Variants in ROCK2 observed in about 807,000 individuals in gnomAD.
The protein encoded by ROCK2 is Rho associated coiled-coil containing protein kinase 2, also known as rho-associated protein kinase 2.
Under a neutral mutation model 195.1 loss-of-function variants are expected in ROCK2, and 61 were observed. The ratio of observed to expected loss-of-function variants is 0.31; its 90% CI spans 0.25 to 0.39. The LOEUF (loss-of-function observed/expected upper bound fraction) is 0.39, where lower values mean the gene tolerates loss of function less well. Among genes scored for constraint, ROCK2 ranks in the 10% least tolerant of loss-of-function variants. The pLI is 1.00. For missense variants in ROCK2, 1,109 were observed against 1,637.4 expected (o/e 0.68, Z 5.57); for synonymous variants, 504 against 545.5 (o/e 0.92, Z 1.06).
chr2:11,222,920 T>A (rs1314418511), intron 7 of ROCK2, among the ~76,000 whole-genome samples: 1 of 152,140 alleles, frequency 6.6e-6, no homozygotes, highest in East Asian at 1.9e-4. Flanking sequence ...CCCTGCCCCA[T>A]GACTACTAAT....
intron 32 of ROCK2, among the ~76,000 whole-genome samples, chr2:11,185,158 AG>A (rs1663146150): frequency 6.6e-6 from 1 of 152,214 alleles, no homozygotes; most frequent in Non-Finnish European, 1.5e-5. Context: ...TTGTCAGCTC[AG>A]TTTTTCCATC....
At chr2:11,290,558 C>T (rs147496090) in intron 1 of ROCK2, among the ~76,000 whole-genome samples, 19 of 151,944 alleles carry the variant, frequency 1.3e-4, no homozygotes, top group East Asian at 3.9e-4. Flanking sequence ...TGTTTCCAAC[C>T]GTACAGAAAT....
chr2:11,264,312 T>C (rs1272639179), intron 3 of ROCK2, among the ~76,000 whole-genome samples: 1 of 152,132 alleles, frequency 6.6e-6, no homozygotes, highest in Non-Finnish European at 1.5e-5. Flanking sequence ...ATGAAGGTGA[T>C]GACAGTAAAA....
In ROCK2 at chr2:11,266,703, C is replaced by T. The variant is rs10495580; in HGVS notation, c.325-16905G>A. Among the ~76,000 whole-genome samples the T allele has an allele frequency of 7.1e-3, 1,077 of 152,210 alleles. 16 individuals carry two copies. The highest frequency in any genetic ancestry group is 0.025 in the African/African-American group (1,021 of 41,524). ...GCCATACTAATTTATTTACTGTATA[C>T]GAATCAACTTTAAAAGGCTATGAAA... On this transcript the variant is annotated intron_variant, in intron 3 of 32. Coordinates refer to ENST00000315872, the MANE Select transcript of ROCK2 (RefSeq NM_004850.5).
intron 6 of ROCK2, among the ~76,000 whole-genome samples, chr2:11,226,972 A>G (rs1329466535): frequency 6.6e-6 from 1 of 151,700 alleles, no homozygotes; most frequent in Non-Finnish European, 1.5e-5. Context: ...CTGAAGCTGT[A>G]AACTTGCTTC....
intron 4 of ROCK2, among the ~76,000 whole-genome samples, chr2:11,244,589 G>A (rs779598299): frequency 3.9e-5 from 6 of 152,024 alleles, no homozygotes; most frequent in Admixed American, 2.0e-4. Flanking sequence ...AACATAGTGA[G>A]ACCCCAATCT....
chr2:11,269,582 C>T (rs1666552011), intron 3 of ROCK2, among the ~76,000 whole-genome samples: 1 of 151,432 alleles, frequency 6.6e-6, no homozygotes, highest in Non-Finnish European at 1.5e-5. Context: ...AGGACGGTTT[C>T]TTTTGATTTG....
intron 11 of ROCK2, 186 bp from the exon 12 acceptor site, chr2:11,217,355 TTTCTA>T (rs765859229): frequency 5.8e-6 from 4 of 695,270 alleles, no homozygotes; most frequent in South Asian, 5.5e-5. Flanking sequence ...CATCTCTTGC[TTTCTA>T]TCAGAGTACA....
chr2:11,306,790 CA>C (rs1667871660), intron 1 of ROCK2, among the ~76,000 whole-genome samples: 1 of 152,232 alleles, frequency 6.6e-6, no homozygotes, highest in South Asian at 2.1e-4. Context: ...CTATTTCCAT[CA>C]GCAAGCAAAG....
chr2:11,218,555 T>C, intron 10 of ROCK2, 89 bp from the exon 11 acceptor site: 1 of 898,650 alleles, frequency 1.1e-6, no homozygotes. Flanking sequence ...ATAACAAAAT[T>C]ATCCAACCTA....
At chr2:11,281,358 C>T (rs1019935173) in intron 3 of ROCK2, among the ~76,000 whole-genome samples, 4 of 152,148 alleles carry the variant, frequency 2.6e-5, no homozygotes, top group Non-Finnish European at 5.9e-5. Context: ...AGGACATTTC[C>T]TCTCACCAAT....
chr2:11,240,987 C>A (rs13404430), intron 4 of ROCK2, among the ~76,000 whole-genome samples: 78,727 of 151,842 alleles, frequency 0.52, 20,879 homozygotes, highest in Admixed American at 0.57. Flanking sequence ...CACAGCTCAA[C>A]AACAACTTTC....
At chr2:11,339,865 C>T (rs1669048842) in intron 1 of ROCK2, among the ~76,000 whole-genome samples, 1 of 152,168 alleles carries the variant, frequency 6.6e-6, no homozygotes, top group African/African-American at 2.4e-5. Flanking sequence ...GGCGACGGCA[C>T]ACAGGTAACT....
At chr2:11,303,071 A>C (rs553263648) in intron 1 of ROCK2, among the ~76,000 whole-genome samples, 1 of 152,298 alleles carries the variant, frequency 6.6e-6, no homozygotes, top group East Asian at 1.9e-4. Context: ...CTAAGCATTA[A>C]AATAAAAAAA....
chr2:11,333,086 C>G (rs1286294922), intron 1 of ROCK2, among the ~76,000 whole-genome samples: 2 of 152,074 alleles, frequency 1.3e-5, no homozygotes, highest in African/African-American at 4.8e-5. Context: ...GATGGTTACA[C>G]AAATTTGTAA....
At position 11,228,462 on chromosome 2, in the gene ROCK2, T is replaced by C. The variant is rs148343916; in HGVS notation, c.724-1064A>G. 2.8e-3 allele frequency among the ~76,000 whole-genome samples: 420 copies of C among 152,312 alleles called. 1 individual carries two copies. The highest frequency in any genetic ancestry group is 9.5e-3 in the African/African-American group (396 of 41,570). The stretch of plus-strand genomic sequence containing the variant: ...AGCAAATAGAGAATAAAAGCTATTT[T>C]AGTGTGAATAGAAATTTAAAAATAA... On this transcript the variant is annotated intron_variant, in intron 5 of 32. Transcript: ENST00000315872.
chr2:11,221,645 A>T (rs565743898), intron 8 of ROCK2, among the ~76,000 whole-genome samples: 37 of 152,298 alleles, frequency 2.4e-4, no homozygotes, highest in African/African-American at 8.7e-4. Flanking sequence ...ACAATCTCGA[A>T]ACAGAAATAT....
At chr2:11,230,396 GA>G (rs1177668349) in intron 5 of ROCK2, among the ~76,000 whole-genome samples, 2 of 152,084 alleles carry the variant, frequency 1.3e-5, no homozygotes, top group African/African-American at 4.8e-5. Flanking sequence ...TTCAAAATAT[GA>G]ATAAGAATTT....
chr2:11,267,694 A>G (rs1572336168), intron 3 of ROCK2, among the ~76,000 whole-genome samples: 1 of 142,312 alleles, frequency 7.0e-6, no homozygotes, highest in Non-Finnish European at 1.5e-5. Flanking sequence ...ATATCCTATC[A>G]ATACGCCTTT....
Sources: allele counts gnomAD v4.1 joint callset (sites outside exome capture counted in the v4.1 genomes callset), GRCh38; gene constraint gnomAD v4.1.1; transcripts MANE v1.5; gene names NCBI Gene and HGNC (gene_info 2026-07-23, HGNC 2026-07-21).